Variants in DENND4A observed in about 807,000 individuals in gnomAD.
DENND4A encodes the protein DENN domain containing 4A, also known as C-myc promoter-binding protein.
A neutral mutation model predicts 199.3 loss-of-function variants in DENND4A; 70 were observed. That is an observed-to-expected ratio of 0.35 (90% CI 0.29 to 0.43). DENND4A has a LOEUF of 0.43. Ranked by LOEUF, DENND4A falls within the 20% of genes least tolerant of loss-of-function variation. The pLI is 1.00. For synonymous variants in DENND4A, 686 were observed against 766.9 expected (o/e 0.89, Z 1.74); for missense variants, 1,723 against 2,255.8 (o/e 0.76, Z 4.78).
rs1023959932 is a variant in DENND4A, at chr15:65,659,524, G to C, written c.*2327C>G. On this transcript the variant is annotated 3_prime_UTR_variant, in exon 33 of 33. Transcript: ENST00000443035. ...CAAATTTAAAAAATTTTTTTGTAGA[G>C]ACAGGGTCTCTCTATGTTGCTCAGG... 4.6e-5 allele frequency: 7 copies of C among 151,456 alleles called. No homozygotes were observed. The highest frequency in any genetic ancestry group is 4.6e-4 in the Admixed American group (7 of 15,176). 9.4% of individuals were successfully genotyped at this position (151,456 alleles called of 1,614,324 possible).
At chr15:65,788,075 TTA>T (rs1444948891) in intron 1 of DENND4A, among the ~76,000 whole-genome samples, 14 of 151,962 alleles carry the variant, frequency 9.2e-5, no homozygotes, top group Non-Finnish European at 1.6e-4. Context: ...GGTTATTTAT[TTA>T]TTTATTTTTT....
chr15:65,779,896 T>G (rs576381262), intron 1 of DENND4A, among the ~76,000 whole-genome samples: 1 of 151,890 alleles, frequency 6.6e-6, no homozygotes, highest in African/African-American at 2.4e-5. Context: ...GTGTCTGGAC[T>G]TTATTTATTT....
intron 22 of DENND4A, among the ~76,000 whole-genome samples, chr15:65,692,420 G>A (rs762924615): frequency 3.3e-5 from 5 of 152,102 alleles, no homozygotes; most frequent in African/African-American, 7.2e-5. Context: ...CTATATGTGG[G>A]AGTCCTCTAA....
At chr15:65,732,660 T>C (rs2075995455) in intron 8 of DENND4A, 92 bp downstream of exon 8, 2 of 769,152 alleles carry the variant, frequency 2.6e-6, no homozygotes, top group African/African-American at 1.8e-5. Flanking sequence ...ATTAGGTTTT[T>C]TTCCTCATTC....
intron 19 of DENND4A, 113 bp downstream of exon 19, chr15:65,700,938 A>G: frequency 8.0e-7 from 1 of 1,256,784 alleles, no homozygotes; most frequent in Non-Finnish European, 1.1e-6. Flanking sequence ...TTTGCTTAAT[A>G]AAACTAAAAA....
At chr15:65,671,726 T>C in intron 25 of DENND4A, 66 bp downstream of exon 25, 1 of 1,127,430 alleles carries the variant, frequency 8.9e-7, no homozygotes, top group Non-Finnish European at 1.4e-6. Flanking sequence ...CTGGGACCAC[T>C]AATACTTAAG....
At chr15:65,738,560 G>T in intron 6 of DENND4A, 146 bp downstream of exon 6, 1 of 638,410 alleles carries the variant, frequency 1.6e-6, no homozygotes, top group Non-Finnish European at 2.4e-6. Context: ...CTTTTCCTAT[G>T]TCCCTGGATA....
chr15:65,724,428 A>C (rs544536860), intron 11 of DENND4A, among the ~76,000 whole-genome samples: 1 of 151,916 alleles, frequency 6.6e-6, no homozygotes, highest in Admixed American at 6.6e-5. Flanking sequence ...CATTTTAGAA[A>C]ACTTGAAAAA....
At chr15:65,750,398 G>T (rs191518644) in intron 4 of DENND4A, among the ~76,000 whole-genome samples, 47 of 152,134 alleles carry the variant, frequency 3.1e-4, no homozygotes, top group African/African-American at 1.1e-3. Context: ...CTCACTATCT[G>T]GGTGATGGGT....
At chr15:65,720,971 A>ATGTATATG (rs2075616448) in intron 12 of DENND4A, among the ~76,000 whole-genome samples, 1 of 120,304 alleles carries the variant, frequency 8.3e-6, no homozygotes, top group Non-Finnish European at 1.8e-5. Context: ...ATATATATAT[A>ATGTATATG]TATATATATA....
chr15:65,748,039 C>CAAAAAAAAAAAA, intron 4 of DENND4A, among the ~76,000 whole-genome samples: 1 of 54,380 alleles, frequency 1.8e-5, no homozygotes, highest in Non-Finnish European at 3.3e-5. Flanking sequence ...TACTCCGTCT[C>CAAAAAAAAAAAA]AAAAAAAAAA....
intron 14 of DENND4A, among the ~76,000 whole-genome samples, chr15:65,710,147 C>T (rs953214644): frequency 1.3e-5 from 2 of 152,088 alleles, no homozygotes; most frequent in African/African-American, 4.8e-5. Flanking sequence ...ACGTAATACC[C>T]TAGTTAGCAA....
intron 1 of DENND4A, among the ~76,000 whole-genome samples, chr15:65,790,322 T>A (rs2077681271): frequency 6.6e-6 from 1 of 152,186 alleles, no homozygotes; most frequent in Non-Finnish European, 1.5e-5. Flanking sequence ...TCACCAATTT[T>A]CAAAAATGTA....
At chr15:65,757,061 T>C (rs542411475) in intron 2 of DENND4A, among the ~76,000 whole-genome samples, 2 of 152,032 alleles carry the variant, frequency 1.3e-5, no homozygotes, top group South Asian at 4.1e-4. Flanking sequence ...AATAAATAAA[T>C]GCACAGTCGT....
intron 20 of DENND4A, among the ~76,000 whole-genome samples, chr15:65,700,025 T>TAA (rs2142171136): frequency 6.6e-6 from 1 of 152,072 alleles, no homozygotes; most frequent in African/African-American, 2.4e-5. Context: ...TTATGACTTT[T>TAA]AAAATCACTT....
chr15:65,740,322 A>G (rs1382743056), intron 5 of DENND4A, among the ~76,000 whole-genome samples: 1 of 151,398 alleles, frequency 6.6e-6, no homozygotes, highest in East Asian at 1.9e-4. Flanking sequence ...TATTGATGAG[A>G]GCCAGTAGCC....
intron 8 of DENND4A, among the ~76,000 whole-genome samples, chr15:65,732,236 T>A (rs1445291242): frequency 6.6e-6 from 1 of 152,128 alleles, no homozygotes; most frequent in Non-Finnish European, 1.5e-5. Flanking sequence ...CAATCTTTTG[T>A]GTGTATTTAA....
At chr15:65,783,665 AAAGT>A (rs1265044322) in intron 1 of DENND4A, among the ~76,000 whole-genome samples, 1 of 152,190 alleles carries the variant, frequency 6.6e-6, no homozygotes, top group Non-Finnish European at 1.5e-5. Flanking sequence ...CTAGTGCCAG[AAAGT>A]AAGGAAGTAC....
intron 23 of DENND4A, among the ~76,000 whole-genome samples, chr15:65,685,405 C>T (rs1434603482): frequency 6.6e-6 from 1 of 152,142 alleles, no homozygotes. Flanking sequence ...GGATTACAGG[C>T]GTGAGCCACC....
Sources: gnomAD v4.1 joint callset for allele counts (sites outside exome capture counted in the v4.1 genomes callset) on GRCh38, gnomAD v4.1.1 for gene constraint, MANE v1.5 for transcripts, NCBI Gene and HGNC (gene_info 2026-07-23, HGNC 2026-07-21) for gene names.